The following BNC2 variants were observed in gnomAD, a reference collection of about 807,000 sequenced individuals.
The protein encoded by BNC2 is basonuclin zinc finger protein 2, also known as zinc finger protein basonuclin-2.
In BNC2, 20 loss-of-function variants were observed where a neutral mutation model predicts 76.3. The observed-to-expected ratio is 0.26, with a 90% confidence interval of 0.18 to 0.38. The LOEUF (loss-of-function observed/expected upper bound fraction) is 0.38. Among genes scored for constraint, BNC2 ranks in the 10% least tolerant of loss-of-function variants. The pLI is 1.00. For synonymous variants in BNC2, 582 were observed against 514.8 expected, an observed-to-expected ratio of 1.13 and a Z score of -1.77; for missense variants, 1,382 against 1,399.8, an observed-to-expected ratio of 0.99 and a Z score of 0.20.
chr9:16,805,874 T>C (rs951946023), intron 1 of BNC2, among the ~76,000 whole-genome samples: 1 of 152,224 alleles, frequency 6.6e-6, no homozygotes, highest in African/African-American at 2.4e-5. Context: ...TAAATACTGA[T>C]ACATTAAGAT....
intron 1 of BNC2, among the ~76,000 whole-genome samples, chr9:16,788,389 C>A (rs549422804): frequency 3.3e-5 from 5 of 151,512 alleles, no homozygotes; most frequent in East Asian, 3.9e-4. Flanking sequence ...CCGTCTCTAC[C>A]AAAAATACAA....
intron 1 of BNC2, among the ~76,000 whole-genome samples, chr9:16,760,433 A>C (rs1231492603): frequency 6.6e-6 from 1 of 152,178 alleles, no homozygotes; most frequent in Non-Finnish European, 1.5e-5. Flanking sequence ...GCCAGACAAA[A>C]TCTTATTCTT....
intron 5 of BNC2, among the ~76,000 whole-genome samples, chr9:16,531,891 T>C (rs544532067): frequency 6.6e-5 from 10 of 152,278 alleles, no homozygotes; most frequent in South Asian, 4.2e-4. Flanking sequence ...AATAGTAATA[T>C]AGGAAGGAGC....
chr9:16,460,177 C>T (rs1048112142), intron 5 of BNC2, among the ~76,000 whole-genome samples: 1 of 152,042 alleles, frequency 6.6e-6, no homozygotes. Flanking sequence ...AGCAATAGTA[C>T]ATCATTGAAG....
At chr9:16,837,253 C>G (rs796432441) in intron 1 of BNC2, among the ~76,000 whole-genome samples, 35 of 152,306 alleles carry the variant, frequency 2.3e-4, no homozygotes, top group African/African-American at 7.9e-4. Context: ...TGCCTGTAAT[C>G]CCAGCACTTT....
chr9:16,865,122 T>C (rs1038673485), intron 1 of BNC2, among the ~76,000 whole-genome samples: 1 of 151,894 alleles, frequency 6.6e-6, no homozygotes, highest in Non-Finnish European at 1.5e-5. Context: ...AAAAATGTTT[T>C]GTGTAGGTTG....
chr9:16,753,776 C>T (rs6475076), intron 1 of BNC2, among the ~76,000 whole-genome samples: 130,642 of 152,198 alleles, frequency 0.86, 56,515 homozygotes, highest in Non-Finnish European at 0.91. Context: ...CCCTCTCTTC[C>T]ATATAGAACA....
At chr9:16,835,945 C>T (rs1425211102) in intron 1 of BNC2, among the ~76,000 whole-genome samples, 2 of 152,140 alleles carry the variant, frequency 1.3e-5, no homozygotes, top group African/African-American at 4.8e-5. Flanking sequence ...TTCAGTAAAA[C>T]ACAGCACCCA....
chr9:16,861,805 C>G (rs1037215523), intron 1 of BNC2, among the ~76,000 whole-genome samples: 1 of 152,108 alleles, frequency 6.6e-6, no homozygotes. Context: ...CTGGCTAACA[C>G]AGTGAAACAA....
intron 3 of BNC2, among the ~76,000 whole-genome samples, chr9:16,592,501 A>G (rs1819957752): frequency 6.6e-6 from 1 of 152,202 alleles, no homozygotes; most frequent in Non-Finnish European, 1.5e-5. Flanking sequence ...GTAATGATAA[A>G]AAGTAGATTA....
At chr9:16,502,067 T>C (rs143566854) in intron 5 of BNC2, among the ~76,000 whole-genome samples, 44 of 152,294 alleles carry the variant, frequency 2.9e-4, no homozygotes, top group Middle Eastern at 6.8e-3. Context: ...CTTTTTTTGG[T>C]TGGCATGGAA....
rs572522657 is a variant in BNC2, at chr9:16,547,344, C to G, written c.669+5186G>C. On this transcript the variant is annotated intron_variant, in intron 5 of 6. Transcript: ENST00000380672. ...GCTATAGCAGTCAGTCCTTAGGAAG[C>G]CTGGAGAAAAAACTAAGGGCCTTTT... Among the ~76,000 whole-genome samples, 5 of 152,290 alleles carry G rather than the reference C, an allele frequency of 3.3e-5. 1 individual carries two copies. The East Asian group carries it at 9.7e-4, about 29-fold the overall frequency.
chr9:16,569,372 CAA>C (rs1191705041), intron 4 of BNC2, among the ~76,000 whole-genome samples: 1 of 152,034 alleles, frequency 6.6e-6, no homozygotes, highest in African/African-American at 2.4e-5. Context: ...GGATTTTAAT[CAA>C]CCTCAGTTGA....
In BNC2 at chr9:16,439,978, G is replaced by A. The variant is rs569064396; in HGVS notation, c.670-2454C>T. 1.7e-4 allele frequency among the ~76,000 whole-genome samples: 26 copies of A among 152,266 alleles called. 1 individual carries two copies. In the South Asian group the frequency reaches 5.0e-3, roughly 29 times the overall value. ...GCAACCCCAGATGATCCTGAAGTCC[G>A]GCCATCGCCATTTTCAAAACCTCAC... On this transcript the variant is annotated intron_variant, in intron 5 of 6. Transcript: ENST00000380672.
intron 1 of BNC2, among the ~76,000 whole-genome samples, chr9:16,796,592 G>C (rs1466507835): frequency 1.3e-5 from 2 of 148,712 alleles, no homozygotes; most frequent in Non-Finnish European, 3.0e-5. Flanking sequence ...GAAAGAAAAG[G>C]AAAGGAAGGG....
intron 3 of BNC2, among the ~76,000 whole-genome samples, chr9:16,717,205 T>A (rs975489380): frequency 6.6e-6 from 1 of 152,194 alleles, no homozygotes; most frequent in African/African-American, 2.4e-5. Context: ...TTTCTTACGA[T>A]GCATCTGAAA....
At chr9:16,813,804 T>G (rs897881681) in intron 1 of BNC2, among the ~76,000 whole-genome samples, 10 of 152,288 alleles carry the variant, frequency 6.6e-5, no homozygotes, top group African/African-American at 1.9e-4. Flanking sequence ...TTGGTTGGTT[T>G]TTTGTTTTTT....
chr9:16,699,131 T>C (rs1179110483), intron 3 of BNC2: 2 of 456,868 alleles, frequency 4.4e-6, no homozygotes, highest in East Asian at 7.1e-5. Flanking sequence ...GTTTTTGTTT[T>C]TGTTTTGTCC....
At chr9:16,448,174 G>T (rs757888065) in intron 5 of BNC2, among the ~76,000 whole-genome samples, 4 of 152,016 alleles carry the variant, frequency 2.6e-5, no homozygotes, top group South Asian at 4.1e-4. Flanking sequence ...TTTGCTTTGA[G>T]GTCTACATTT....
Sources: gnomAD v4.1 joint callset for allele counts (sites outside exome capture counted in the v4.1 genomes callset) on GRCh38, gnomAD v4.1.1 for gene constraint, MANE v1.5 for transcripts, NCBI Gene and HGNC (gene_info 2026-07-23, HGNC 2026-07-21) for gene names.